The following ENOX1 variants were observed in gnomAD, a reference collection of about 807,000 sequenced individuals.
ENOX1 encodes the protein candidate growth-related and time keeping constitutive hydroquinone (NADH) oxidase.
In ENOX1, 42 loss-of-function variants were observed where a neutral mutation model predicts 82.5. The ratio of observed to expected loss-of-function variants is 0.51; its 90% confidence interval spans 0.40 to 0.66. ENOX1 has a LOEUF of 0.66. Among genes scored for constraint, ENOX1 ranks in the 30% least tolerant of loss-of-function variants. The probability of loss-of-function intolerance (pLI) is 0.00; values close to 1 mark genes in which losing one functional copy is unlikely to be tolerated. For missense variants in ENOX1, 608 were observed against 811.6 expected (o/e 0.75, Z 3.05); for synonymous variants, 271 against 282.2 (o/e 0.96, Z 0.40).
chr13:43,262,634 C>A (rs1174074629), intron 14 of ENOX1, among the ~76,000 whole-genome samples: 1 of 151,980 alleles, frequency 6.6e-6, no homozygotes, highest in East Asian at 1.9e-4. Flanking sequence ...TCAAGTGATC[C>A]TCCTGCTTCA....
intron 3 of ENOX1, among the ~76,000 whole-genome samples, chr13:43,440,812 C>T (rs930268773): frequency 4.6e-5 from 7 of 152,036 alleles, no homozygotes; most frequent in African/African-American, 1.7e-4. Context: ...AAGAATGATA[C>T]AAGAATACTA....
intron 11 of ENOX1, among the ~76,000 whole-genome samples, chr13:43,319,195 C>T (rs976190530): frequency 6.6e-6 from 1 of 152,156 alleles, no homozygotes; most frequent in South Asian, 2.1e-4. Flanking sequence ...AGAATGAATG[C>T]TTCAATAAAT....
intron 1 of ENOX1, among the ~76,000 whole-genome samples, chr13:43,713,462 T>C (rs2087879783): frequency 6.6e-6 from 1 of 152,070 alleles, no homozygotes. Flanking sequence ...TTTTTTCTAT[T>C]GATTGGAATA....
chr13:43,627,570 T>A (rs556774048), intron 2 of ENOX1, among the ~76,000 whole-genome samples: 1 of 152,176 alleles, frequency 6.6e-6, no homozygotes, highest in Non-Finnish European at 1.5e-5. Flanking sequence ...TCTTAAATAT[T>A]TCCTCTGCAT....
intron 8 of ENOX1, among the ~76,000 whole-genome samples, chr13:43,348,147 A>G (rs1267460806): frequency 6.6e-6 from 1 of 152,142 alleles, no homozygotes; most frequent in Non-Finnish European, 1.5e-5. Flanking sequence ...GTCAGCTGTT[A>G]TTCTTCCCTC....
At chr13:43,781,636 C>T (rs796797188) in intron 1 of ENOX1, among the ~76,000 whole-genome samples, 4 of 152,082 alleles carry the variant, frequency 2.6e-5, no homozygotes, top group African/African-American at 9.7e-5. Context: ...GCCTCAGCCC[C>T]CCGAGTAGCT....
intron 3 of ENOX1, among the ~76,000 whole-genome samples, chr13:43,458,745 G>A (rs1343775665): frequency 2.0e-5 from 3 of 152,048 alleles, no homozygotes; most frequent in African/African-American, 7.3e-5. Context: ...AAGTGTTCAG[G>A]ACAAAGAGTT....
chr13:43,751,072 C>A (rs996302174), intron 1 of ENOX1, among the ~76,000 whole-genome samples: 3 of 152,212 alleles, frequency 2.0e-5, no homozygotes, highest in African/African-American at 7.2e-5. Flanking sequence ...ATTTACCTCT[C>A]TGGCTGCCAG....
intron 2 of ENOX1, among the ~76,000 whole-genome samples, chr13:43,555,610 C>T (rs188049801): frequency 6.6e-6 from 1 of 152,294 alleles, no homozygotes; most frequent in African/African-American, 2.4e-5. Flanking sequence ...AATAAATCAT[C>T]ACATCAAAGC....
chr13:43,577,156 G>A (rs1364118280), intron 2 of ENOX1, among the ~76,000 whole-genome samples: 1 of 151,334 alleles, frequency 6.6e-6, no homozygotes, highest in Non-Finnish European at 1.5e-5. Flanking sequence ...TTTTGAGACA[G>A]AGTCTCGCTC....
chr13:43,515,104 G>A (rs1277405777), intron 2 of ENOX1, among the ~76,000 whole-genome samples: 1 of 152,138 alleles, frequency 6.6e-6, no homozygotes, highest in Non-Finnish European at 1.5e-5. Context: ...TAACTGATTT[G>A]TTCAAGTCAC....
At chr13:43,759,910 C>T (rs1950871303) in intron 1 of ENOX1, among the ~76,000 whole-genome samples, 1 of 152,174 alleles carries the variant, frequency 6.6e-6, no homozygotes, top group Admixed American at 6.5e-5. Context: ...ATGTTAGATG[C>T]TGGAGCTACA....
intron 8 of ENOX1, among the ~76,000 whole-genome samples, chr13:43,354,286 A>G (rs2050001609): frequency 1.3e-5 from 2 of 152,216 alleles, no homozygotes; most frequent in African/African-American, 2.4e-5. Flanking sequence ...AGGCACAGCC[A>G]TGGCCTATGT....
chr13:43,661,669 A>G (rs1004768417), intron 2 of ENOX1, among the ~76,000 whole-genome samples: 3 of 152,304 alleles, frequency 2.0e-5, no homozygotes, highest in African/African-American at 7.2e-5. Flanking sequence ...CCTTGGCAGT[A>G]AAAATGTGAG....
intron 12 of ENOX1, among the ~76,000 whole-genome samples, chr13:43,275,260 CCTTGT>C (rs1415595963): frequency 6.6e-6 from 1 of 152,182 alleles, no homozygotes; most frequent in African/African-American, 2.4e-5. Flanking sequence ...ACAACCCCTT[CCTTGT>C]CTTTTTTCTT....
Position 43,667,478 on chromosome 13 carries a change from C to T in ENOX1, c.-219+1G>A. ...TTGTGGTGCACATACCATCCCTTTA[C>T]CTGAGCATGGTGAGCTCTCTCTCCT... On this transcript the variant is annotated splice_donor_variant, in intron 2 of 16. Coordinates refer to ENST00000690772, the MANE Select transcript of ENOX1 (RefSeq NM_001347969.2). LOFTEE classifies it low-confidence loss of function (5UTR_SPLICE). The T allele has an allele frequency of 4.1e-6, 4 of 985,522 alleles. No homozygotes were observed. The South Asian group carries it at 1.9e-4, about 46-fold the overall frequency. 61.0% of individuals were successfully genotyped at this position (985,522 alleles called of 1,614,324 possible). A position where few individuals can be genotyped will look rare whatever the true frequency, so the allele number is the denominator to read the frequency against.
At chr13:43,584,201 G>A (rs1277511246) in intron 2 of ENOX1, among the ~76,000 whole-genome samples, 2 of 152,172 alleles carry the variant, frequency 1.3e-5, no homozygotes, top group African/African-American at 2.4e-5. Flanking sequence ...TCAATTCCAG[G>A]CACGGAGGTG....
chr13:43,650,342 C>A (rs2084099659), intron 2 of ENOX1, among the ~76,000 whole-genome samples: 1 of 152,036 alleles, frequency 6.6e-6, no homozygotes, highest in Non-Finnish European at 1.5e-5. Context: ...TTTAAAAATG[C>A]ATAAACAATC....
intron 5 of ENOX1, among the ~76,000 whole-genome samples, chr13:43,390,942 C>T (rs1345735075): frequency 2.0e-5 from 3 of 152,182 alleles, no homozygotes; most frequent in Non-Finnish European, 4.4e-5. Context: ...TCTGAAGGCA[C>T]TGGCTACTAC....
Sources: gnomAD v4.1 joint callset for allele counts (sites outside exome capture counted in the v4.1 genomes callset) on GRCh38, gnomAD v4.1.1 for gene constraint, MANE v1.5 for transcripts, NCBI Gene and HGNC (gene_info 2026-07-23, HGNC 2026-07-21) for gene names.